CNGB1: variants seen among roughly 807,000 people sequenced by gnomAD.
The protein encoded by CNGB1 is cyclic nucleotide gated channel subunit beta 1, also known as cyclic nucleotide-gated channel beta-1.
Under a neutral mutation model 151.7 loss-of-function variants are expected in CNGB1, and 126 were observed. That is an observed-to-expected ratio of 0.83 (90% CI 0.72 to 0.96). CNGB1 has a LOEUF of 0.96. Ranked by LOEUF, CNGB1 falls within the 40% of genes least tolerant of loss-of-function variation. CNGB1 has a pLI of 0.00. For synonymous variants in CNGB1, 623 were observed against 635.1 expected, an observed-to-expected ratio of 0.98 and a Z score of 0.29; for missense variants, 1,698 against 1,627.0, an observed-to-expected ratio of 1.04 and a Z score of -0.75.
rs958983711 is a variant in CNGB1, at chr16:57,928,778, T to C, written c.1535+2938A>G. On this transcript the variant is annotated intron_variant, in intron 17 of 32. Transcript: ENST00000251102. ...TCAGCCTCCTTAGTAGCTGGGACTA[T>C]AGGCATGTGCCACCATGCCCAGCTA... 2.0e-5 allele frequency among the ~76,000 whole-genome samples: 3 copies of C among 152,160 alleles called. No individual in the cohort carries two copies. The East Asian group carries it at 5.8e-4, about 29-fold the overall frequency.
At chr16:57,902,862 C>T (rs567953787) in intron 27 of CNGB1, among the ~76,000 whole-genome samples, 2 of 152,298 alleles carry the variant, frequency 1.3e-5, no homozygotes, top group Non-Finnish European at 2.9e-5. Context: ...ATCCTCCCGC[C>T]TCAGCCTCCC....
intron 12 of CNGB1, among the ~76,000 whole-genome samples, chr16:57,954,279 G>T (rs1344242248): frequency 3.3e-5 from 5 of 152,176 alleles, no homozygotes; most frequent in Non-Finnish European, 7.4e-5. Context: ...AAATCCAAAG[G>T]CCTGCCCAGC....
chr16:57,955,033 GC>G (rs1962049974), intron 12 of CNGB1: 2 of 1,229,846 alleles, frequency 1.6e-6, no homozygotes, highest in South Asian at 4.1e-5. Context: ...ACAGGCGTGA[GC>G]CACCACGCCC....
At chr16:57,952,796 C>T (rs764402439) in intron 12 of CNGB1, among the ~76,000 whole-genome samples, 1 of 152,150 alleles carries the variant, frequency 6.6e-6, no homozygotes, top group Non-Finnish European at 1.5e-5. Context: ...CCACCATGCC[C>T]GGCCTCATTT....
chr16:57,950,254 G>C (rs1246910611), intron 13 of CNGB1, 127 bp downstream of exon 13: 9 of 1,123,792 alleles, frequency 8.0e-6, no homozygotes, highest in Non-Finnish European at 1.2e-5. Context: ...AAGGATGGCT[G>C]TATGAAGGCA....
intron 20 of CNGB1, 66 bp downstream of exon 20, chr16:57,919,033 C>A: frequency 6.2e-7 from 1 of 1,611,250 alleles, no homozygotes; most frequent in Non-Finnish European, 8.5e-7. Context: ...ACCCTCTCCC[C>A]ATCCCGCTCC....
intron 9 of CNGB1, 69 bp from the exon 10 acceptor site, chr16:57,960,134 A>C (rs1597013101): frequency 1.3e-6 from 2 of 1,529,456 alleles, no homozygotes; most frequent in Admixed American, 2.0e-5. Flanking sequence ...CCTCAAGGGC[A>C]CGGGGCCAGA....
At chr16:57,918,091 G>A (rs1335236709) in intron 20 of CNGB1, among the ~76,000 whole-genome samples, 21 of 149,548 alleles carry the variant, frequency 1.4e-4, no homozygotes, top group Non-Finnish European at 2.4e-4. Flanking sequence ...GGATAGATGG[G>A]TATTCCAGAT....
intron 16 of CNGB1, 120 bp from the exon 17 acceptor site, chr16:57,931,998 A>T: frequency 9.2e-7 from 1 of 1,085,662 alleles, no homozygotes; most frequent in Non-Finnish European, 1.4e-6. Context: ...TGATAGCTTC[A>T]CTTCCCAATG....
intron 22 of CNGB1, 95 bp from the exon 23 acceptor site, chr16:57,915,430 A>G: frequency 1.0e-6 from 1 of 967,456 alleles, no homozygotes; most frequent in Non-Finnish European, 1.6e-6. Flanking sequence ...TTCCATGGAA[A>G]GGTGAGGTCA....
At chr16:57,927,705 C>A (rs1275087896) in intron 17 of CNGB1, among the ~76,000 whole-genome samples, 3 of 152,216 alleles carry the variant, frequency 2.0e-5, no homozygotes, top group African/African-American at 7.2e-5. Flanking sequence ...TAGATTCCAG[C>A]CACACATGAT....
intron 12 of CNGB1, among the ~76,000 whole-genome samples, chr16:57,953,447 A>G (rs1314655848): frequency 2.0e-5 from 3 of 149,534 alleles, no homozygotes; most frequent in Non-Finnish European, 4.5e-5. Flanking sequence ...GTGAGCCGAG[A>G]TCACACCACT....
In CNGB1 at chr16:57,917,288, C is replaced by CA; in HGVS notation, c.2145dup (p.Val716CysfsTer16). 6.2e-7 allele frequency: 1 copy of CA among 1,614,026 alleles called. No individual in the cohort carries two copies. Among genetic ancestry groups the CA allele is most frequent in the Non-Finnish European group, 8.5e-7 (1 of 1,179,986 alleles). On this transcript the variant is annotated frameshift_variant, in exon 21 of 33. Transcript: ENST00000251102. LOFTEE classifies it high-confidence loss of function. ...CTCACAATGATGTCCCCGCCTCTGACAAACTGCAGGCGTGTCTGGAACACG... is the reference window on the plus strand; with the variant it reads ...CTCACAATGATGTCCCCGCCTCTGACAAAACTGCAGGCGTGTCTGGAACACG...
Position 57,962,559 on chromosome 16 carries a change from A to T in CNGB1, c.458+6T>A. ...ACAACAGTGACACTCAGGGATAGGG[A>T]CTCACCTAGTGTCTTGGGCCTCAAG... On this transcript the variant is annotated splice_donor_region_variant and intron_variant, in intron 7 of 32. Coordinates refer to ENST00000251102, the MANE Select transcript of CNGB1 (RefSeq NM_001297.5). 2 of 1,612,616 alleles carry T rather than the reference A, an allele frequency of 1.2e-6. No individual in the cohort carries two copies. Among genetic ancestry groups the T allele is most frequent in the Non-Finnish European group, 1.7e-6 (2 of 1,178,792 alleles).
intron 16 of CNGB1, among the ~76,000 whole-genome samples, chr16:57,938,772 C>T (rs1351926421): frequency 6.6e-6 from 1 of 152,172 alleles, no homozygotes; most frequent in African/African-American, 2.4e-5. Flanking sequence ...CAACACCTGC[C>T]GGCCAGGGGT....
chr16:57,962,452 G>C (rs1477518101), intron 7 of CNGB1, 113 bp downstream of exon 7: 3 of 906,158 alleles, frequency 3.3e-6, no homozygotes, highest in Non-Finnish European at 5.6e-6. Flanking sequence ...GAGACGGGAG[G>C]CATGTCCAAG....
In CNGB1 at chr16:57,904,878, G is replaced by GGA. The variant is rs1567370344; in HGVS notation, c.2493-5_2493-4dup. ...CAAAGTAGTAACAGCGAATATAACT[G>GGA]GAGAGAGAGGAGAAAGGGAACATGG... On this transcript the variant is annotated splice_region_variant and splice_polypyrimidine_tract_variant and intron_variant, in intron 25 of 32. Transcript: ENST00000251102. 5.6e-6 allele frequency: 9 copies of GGA among 1,614,028 alleles called. No individual in the cohort carries two copies. The highest frequency in any genetic ancestry group is 3.3e-5 in the South Asian group (3 of 91,076).
chr16:57,969,224 T>C (rs959335059), intron 1 of CNGB1, among the ~76,000 whole-genome samples: 1 of 152,204 alleles, frequency 6.6e-6, no homozygotes, highest in African/African-American at 2.4e-5. Context: ...GAGAATCACT[T>C]GAACCCGGGA....
chr16:57,934,521 T>C (rs375360584), intron 16 of CNGB1, among the ~76,000 whole-genome samples: 9 of 152,242 alleles, frequency 5.9e-5, no homozygotes, highest in African/African-American at 1.7e-4. Flanking sequence ...AGAATCATCA[T>C]GTACTCTAGC....
Sources: allele counts gnomAD v4.1 joint callset (sites outside exome capture counted in the v4.1 genomes callset), GRCh38; gene constraint gnomAD v4.1.1; transcripts MANE v1.5; gene names NCBI Gene and HGNC (gene_info 2026-07-23, HGNC 2026-07-21).